GFPT1: variants seen among roughly 807,000 people sequenced by gnomAD.
GFPT1 encodes the protein glutamine--fructose-6-phosphate transaminase 1.
In GFPT1, 40 loss-of-function variants were observed where a neutral mutation model predicts 92.0. That is an observed-to-expected ratio of 0.43 (90% confidence interval 0.34 to 0.57). GFPT1 has a LOEUF of 0.57. Among genes scored for constraint, GFPT1 ranks in the 20% least tolerant of loss-of-function variants. The pLI, the probability that GFPT1 is intolerant of heterozygous loss-of-function variation, is 0.02. For synonymous variants in GFPT1, 269 were observed against 280.6 expected, an observed-to-expected ratio of 0.96 and a Z score of 0.41; for missense variants, 448 against 869.1, an observed-to-expected ratio of 0.52 and a Z score of 6.09.
At chr2:69,328,008 A>C (rs769406127) in intron 18 of GFPT1, among the ~76,000 whole-genome samples, 2 of 151,106 alleles carry the variant, frequency 1.3e-5, no homozygotes, top group Non-Finnish European at 2.9e-5. Context: ...CTGAGGCAGG[A>C]AAATTGCCTG....
chr2:69,329,676 C>CT lies in GFPT1; in HGVS notation c.1597+7dup. The CT allele has an allele frequency of 6.3e-7, 1 of 1,576,318 alleles. No individual in the cohort carries two copies. The highest frequency in any genetic ancestry group is 8.7e-7 in the Non-Finnish European group (1 of 1,145,480). ...CAACAAAAGTGTAATATATGAGTGT[C>CT]TTTGTACCAGGCAGCCGTTTCAATC... On this transcript the variant is annotated splice_region_variant and intron_variant, in intron 16 of 19. Transcript: ENST00000357308.
At position 69,368,718 on chromosome 2, in the gene GFPT1, G is replaced by A. The variant is rs181501260; in HGVS notation, c.223+1283C>T. ...CACTCCAGCCTGGGCGTTACAGCGA[G>A]ACTCCATCTGGGAAGGGAAGAAAAA... On this transcript the variant is annotated intron_variant, in intron 3 of 19. Coordinates refer to ENST00000357308, the MANE Select transcript of GFPT1 (RefSeq NM_001244710.2). Among the ~76,000 whole-genome samples, 717 of 151,030 alleles carry A rather than the reference G, an allele frequency of 4.7e-3. 11 individuals are homozygous for A. The highest frequency in any genetic ancestry group is 0.012 in the Admixed American group (178 of 15,152).
chr2:69,336,352 A>AG (rs1260224059), intron 15 of GFPT1, among the ~76,000 whole-genome samples: 20 of 149,830 alleles, frequency 1.3e-4, no homozygotes, highest in African/African-American at 4.4e-4. Context: ...AAAAAAAAAA[A>AG]AAAAGAAAAA....
At chr2:69,367,800 T>C (rs1671647055) in intron 3 of GFPT1, among the ~76,000 whole-genome samples, 1 of 152,234 alleles carries the variant, frequency 6.6e-6, no homozygotes, top group Non-Finnish European at 1.5e-5. Flanking sequence ...TGGAAGTGCT[T>C]AGTCTCAGGT....
At chr2:69,342,438 G>GC (rs1670975316) in intron 12 of GFPT1, among the ~76,000 whole-genome samples, 189 bp from the exon 13 acceptor site, 1 of 152,086 alleles carries the variant, frequency 6.6e-6, no homozygotes, top group African/African-American at 2.4e-5. Flanking sequence ...CTTCACTGGC[G>GC]CCCCCAAACT....
At position 69,328,300 on chromosome 2, in the gene GFPT1, T is replaced by C; in HGVS notation, c.1864A>G (p.Asn622Asp). 1.2e-6 allele frequency: 2 copies of C among 1,613,960 alleles called. No homozygotes were observed. The highest frequency in any genetic ancestry group is 1.7e-6 in the Non-Finnish European group (2 of 1,179,874). The change falls in exon 18 of 20, where the codon AAT (asparagine) becomes GAT (aspartate). Residue 622 changes from asparagine (N) to aspartate (D), a missense_variant. Coordinates refer to ENST00000357308, the MANE Select transcript of GFPT1 (RefSeq NM_001244710.2). ...MRDHTYAKCQ[N>D]ALQQVVARQG... ...CGAGCAACCACTTGCTGAAGAGCAT[T>C]CTGACACTTGGCATAAGTGTGATCT...
intron 13 of GFPT1, among the ~76,000 whole-genome samples, chr2:69,340,540 G>T (rs949823607): frequency 1.3e-5 from 2 of 151,940 alleles, no homozygotes; most frequent in Non-Finnish European, 2.9e-5. Flanking sequence ...ACTGCTCAAG[G>T]TCAGCACCAA....
intron 5 of GFPT1, among the ~76,000 whole-genome samples, chr2:69,358,975 GCATGA>G (rs1326255367): frequency 6.6e-6 from 1 of 152,114 alleles, no homozygotes; most frequent in East Asian, 1.9e-4. Flanking sequence ...GAACTTTAAA[GCATGA>G]CAATCTCTCA....
chr2:69,377,824 C>T (rs933457446), intron 1 of GFPT1, among the ~76,000 whole-genome samples: 9 of 152,290 alleles, frequency 5.9e-5, no homozygotes, highest in African/African-American at 2.2e-4. Flanking sequence ...ATTCCACCTG[C>T]GGGGATACCG....
Position 69,326,137 on chromosome 2 carries a change from G to C in GFPT1, c.*52C>G, listed in dbSNP as rs554824301. On this transcript the variant is annotated 3_prime_UTR_variant, in exon 20 of 20. Transcript: ENST00000357308. ...TAAATCAAGGTTTTAAATACAAAAGGTGTCTTGTGTTGCTTAATCATACAG... is the reference window on the plus strand; with the variant it reads ...TAAATCAAGGTTTTAAATACAAAAGCTGTCTTGTGTTGCTTAATCATACAG... 1 of 1,146,788 alleles carries C rather than the reference G, an allele frequency of 8.7e-7. No homozygotes were observed. The highest frequency in any genetic ancestry group is 2.3e-5 in the East Asian group (1 of 42,700). 71.0% of individuals were successfully genotyped at this position (1,146,788 alleles called of 1,614,324 possible).
chr2:69,335,832 G>A (rs1670780091), intron 15 of GFPT1, among the ~76,000 whole-genome samples: 1 of 151,796 alleles, frequency 6.6e-6, no homozygotes, highest in Non-Finnish European at 1.5e-5. Flanking sequence ...ACTGGCCTAG[G>A]CAACATGGTA....
At chr2:69,334,153 T>A (rs147550827) in intron 15 of GFPT1, among the ~76,000 whole-genome samples, 1,739 of 152,002 alleles carry the variant, frequency 0.011, 17 homozygotes, top group Non-Finnish European at 0.019. Flanking sequence ...CAAAACTCCA[T>A]CTCAAAATAA....
intron 1 of GFPT1, among the ~76,000 whole-genome samples, chr2:69,377,207 C>CAAAAA (rs59023245): frequency 3.6e-5 from 3 of 84,386 alleles, no homozygotes; most frequent in South Asian, 4.7e-4. Flanking sequence ...GACTCCGTCT[C>CAAAAA]AAAAAAAAAA....
intron 15 of GFPT1, among the ~76,000 whole-genome samples, chr2:69,333,194 C>A (rs1002447325): frequency 1.3e-5 from 2 of 152,288 alleles, no homozygotes; most frequent in Non-Finnish European, 2.9e-5. Flanking sequence ...AAACATACTA[C>A]CAGGCCAGAG....
chr2:69,386,994 G>A, intron 1 of GFPT1, 71 bp downstream of exon 1: 1 of 1,208,404 alleles, frequency 8.3e-7, no homozygotes, highest in Non-Finnish European at 1.2e-6. Context: ...CCGTCGCCTT[G>A]GGCCTTAGCG....
At chr2:69,362,850 C>T (rs1671509814) in intron 4 of GFPT1, among the ~76,000 whole-genome samples, 1 of 151,948 alleles carries the variant, frequency 6.6e-6, no homozygotes. Context: ...TAAAGTAACA[C>T]GTAGCACAAC....
intron 2 of GFPT1, 88 bp from the exon 3 acceptor site, chr2:69,370,196 T>C: frequency 1.3e-6 from 1 of 791,362 alleles, no homozygotes; most frequent in Non-Finnish European, 2.3e-6. Flanking sequence ...AATTAAAAAA[T>C]ACATTCTCAT....
At chr2:69,341,125 ATT>A (rs199998548) in intron 13 of GFPT1, among the ~76,000 whole-genome samples, 3 of 145,154 alleles carry the variant, frequency 2.1e-5, no homozygotes, top group Non-Finnish European at 4.6e-5. Flanking sequence ...CACCCCGATA[ATT>A]TTTTTTTTTT....
In GFPT1 at chr2:69,358,403, T is replaced by C; in HGVS notation, c.469A>G (p.Lys157Glu). The C allele has an allele frequency of 6.2e-7, 1 of 1,610,316 alleles. No individual in the cohort carries two copies. Among genetic ancestry groups the C allele is most frequent in the Non-Finnish European group, 8.5e-7 (1 of 1,176,606 alleles). Residue 157 changes from lysine to glutamate, a missense_variant, in exon 6 of 20, where the codon AAG becomes GAG. By Grantham distance (56) the Lys-to-Glu change is moderately conservative (BLOSUM62 1). Around this residue, in one of 7 missense-constraint regions of GFPT1, gnomAD observed 118 missense variants for 192.9 expected, o/e 0.61. Transcript: ENST00000357308. The stretch of plus-strand genomic sequence containing the variant: ...CTTTCCCGATTGTCATACATATACT[T>C]AACGAGCTTGGCAATTGTCTCTGTG... The part of the protein sequence containing the change: ...TDTETIAKLV[K>E]YMYDNRESQD...
Sources: allele counts gnomAD v4.1 joint callset (sites outside exome capture counted in the v4.1 genomes callset), GRCh38; gene constraint gnomAD v4.1.1; regional missense constraint gnomAD v4.1.1; transcripts MANE v1.5; gene names NCBI Gene and HGNC (gene_info 2026-07-23, HGNC 2026-07-21).